ADGRB3: variants seen among roughly 807,000 people sequenced by gnomAD.
ADGRB3 encodes the protein brain-specific angiogenesis inhibitor 3.
A neutral mutation model predicts 193.4 loss-of-function variants in ADGRB3; 37 were observed. The ratio of observed to expected loss-of-function variants is 0.19; its 90% CI spans 0.15 to 0.25. The LOEUF is 0.25. ADGRB3 is among the 10% of genes least tolerant of loss of function. The pLI is 1.00. For missense variants in ADGRB3, 1,637 were observed against 1,852.9 expected, an observed-to-expected ratio of 0.88 and a Z score of 2.14; for synonymous variants, 690 against 644.2, an observed-to-expected ratio of 1.07 and a Z score of -1.08.
intron 3 of ADGRB3, among the ~76,000 whole-genome samples, chr6:68,736,633 G>T (rs966234663): frequency 6.6e-6 from 1 of 152,082 alleles, no homozygotes; most frequent in Admixed American, 6.6e-5. Context: ...TAGAGGACTT[G>T]TGCACTTAGA....
chr6:69,081,570 T>A (rs925197519), intron 17 of ADGRB3, among the ~76,000 whole-genome samples: 2 of 151,982 alleles, frequency 1.3e-5, no homozygotes, highest in Admixed American at 1.3e-4. Context: ...TTTCTGTTTA[T>A]ACTATACATT....
At chr6:69,059,112 G>A (rs948346314) in intron 15 of ADGRB3, among the ~76,000 whole-genome samples, 1 of 151,864 alleles carries the variant, frequency 6.6e-6, no homozygotes, top group Non-Finnish European at 1.5e-5. Flanking sequence ...TTATTTCAAT[G>A]TTTGCTTCAC....
chr6:69,135,787 A>C (rs1483932357), intron 17 of ADGRB3, among the ~76,000 whole-genome samples: 1 of 152,090 alleles, frequency 6.6e-6, no homozygotes, highest in Non-Finnish European at 1.5e-5. Context: ...AAAACAGACT[A>C]TAGGGATTAT....
At chr6:69,308,633 G>A (rs1310795985) in intron 20 of ADGRB3, among the ~76,000 whole-genome samples, 1 of 151,622 alleles carries the variant, frequency 6.6e-6, no homozygotes, top group Non-Finnish European at 1.5e-5. Flanking sequence ...CGAAAGAAGA[G>A]TAACATAGAA....
intron 3 of ADGRB3, among the ~76,000 whole-genome samples, chr6:68,656,051 A>T (rs1331759959): frequency 6.6e-6 from 1 of 151,572 alleles, no homozygotes; most frequent in East Asian, 1.9e-4. Flanking sequence ...CCTGTATTGA[A>T]TGCCTTTTTC....
intron 3 of ADGRB3, among the ~76,000 whole-genome samples, chr6:68,870,622 A>G (rs1765429585): frequency 6.6e-6 from 1 of 152,196 alleles, no homozygotes; most frequent in East Asian, 1.9e-4. Flanking sequence ...TTATCCGACA[A>G]TGAAGTGTAG....
chr6:68,711,293 G>T (rs1049299908), intron 3 of ADGRB3, among the ~76,000 whole-genome samples: 4 of 151,972 alleles, frequency 2.6e-5, no homozygotes, highest in African/African-American at 9.7e-5. Flanking sequence ...CTTCCAGAAT[G>T]CTGGAAAACT....
At chr6:68,896,721 A>C (rs1445302780) in intron 3 of ADGRB3, among the ~76,000 whole-genome samples, 1 of 152,162 alleles carries the variant, frequency 6.6e-6, no homozygotes, top group African/African-American at 2.4e-5. Flanking sequence ...ATGTTATACT[A>C]GGAATTTTAA....
intron 17 of ADGRB3, among the ~76,000 whole-genome samples, chr6:69,163,898 A>G (rs747375547): frequency 6.6e-6 from 1 of 152,068 alleles, no homozygotes; most frequent in Non-Finnish European, 1.5e-5. Context: ...TATTTAAACT[A>G]TTTTTCAACC....
chr6:69,030,914 T>A (rs181961956), intron 13 of ADGRB3, among the ~76,000 whole-genome samples: 141 of 142,392 alleles, frequency 9.9e-4, no homozygotes, highest in African/African-American at 3.7e-3. Context: ...CACGTAGACT[T>A]AGCCACAAAC....
At chr6:69,329,149 C>T (rs951827698) in intron 22 of ADGRB3, among the ~76,000 whole-genome samples, 3 of 151,872 alleles carry the variant, frequency 2.0e-5, no homozygotes, top group Non-Finnish European at 4.4e-5. Flanking sequence ...GATTAGTTTA[C>T]ATAAAATTAC....
chr6:69,149,976 TG>T (rs1774627057), intron 17 of ADGRB3, among the ~76,000 whole-genome samples: 1 of 95,574 alleles, frequency 1.0e-5, no homozygotes, highest in African/African-American at 4.2e-5. Flanking sequence ...GTGTGTGTGT[TG>T]AGATCCCTGG....
chr6:68,727,066 T>A lies in ADGRB3; in HGVS notation c.757+87634T>A, dbSNP rs140005917. Among the ~76,000 whole-genome samples, 184 of 151,724 alleles carry A rather than the reference T, an allele frequency of 1.2e-3. 1 individual carries two copies. The highest frequency in any genetic ancestry group is 4.3e-3 in the African/African-American group (177 of 41,488). On this transcript the variant is annotated intron_variant, in intron 3 of 31. Transcript: ENST00000370598. ...TTACCTTAAGTCCTCTTGTCCAATA[T>A]CCGTGTGGTAGCCCCTGTAAGCATT...
At chr6:69,116,277 A>G (rs1773529797) in intron 17 of ADGRB3, among the ~76,000 whole-genome samples, 1 of 152,176 alleles carries the variant, frequency 6.6e-6, no homozygotes, top group Admixed American at 6.5e-5. Context: ...CTACTGTTTG[A>G]CCAAACAACT....
At chr6:68,900,509 A>C (rs1231860626) in intron 3 of ADGRB3, among the ~76,000 whole-genome samples, 7 of 152,124 alleles carry the variant, frequency 4.6e-5, no homozygotes, top group Admixed American at 6.6e-5. Flanking sequence ...CTCATCAAAG[A>C]TTGACTTCAG....
intron 26 of ADGRB3, among the ~76,000 whole-genome samples, chr6:69,353,740 A>G (rs1223274722): frequency 6.6e-6 from 1 of 152,184 alleles, no homozygotes; most frequent in African/African-American, 2.4e-5. Flanking sequence ...GGCATACAGC[A>G]AAAGTCCAGG....
At chr6:68,757,018 C>T (rs1766310438) in intron 3 of ADGRB3, among the ~76,000 whole-genome samples, 1 of 152,114 alleles carries the variant, frequency 6.6e-6, no homozygotes. Context: ...AATCCTCATA[C>T]TCTCTATTCC....
intron 20 of ADGRB3, among the ~76,000 whole-genome samples, chr6:69,291,536 C>T (rs577640063): frequency 7.9e-5 from 12 of 152,238 alleles, no homozygotes; most frequent in African/African-American, 2.6e-4. Flanking sequence ...CAAATTCTAA[C>T]GCCCTTAGTA....
chr6:69,026,433 A>G (rs925676116), intron 13 of ADGRB3, among the ~76,000 whole-genome samples: 7 of 152,338 alleles, frequency 4.6e-5, no homozygotes, highest in Admixed American at 3.3e-4. Context: ...TGTGCTTCAT[A>G]TATTAGAGGA....
Sources: allele counts gnomAD v4.1 joint callset (sites outside exome capture counted in the v4.1 genomes callset), GRCh38; gene constraint gnomAD v4.1.1; transcripts MANE v1.5; gene names NCBI Gene and HGNC (gene_info 2026-07-23, HGNC 2026-07-21).